The following ACOX2 variants were observed in gnomAD, a reference collection of about 807,000 sequenced individuals.
ACOX2 encodes peroxisomal acyl-coenzyme A oxidase 2.
ACOX2 carries 59 observed loss-of-function variants against 77.5 expected under a neutral mutation model. The observed-to-expected ratio is 0.76, with a 90% CI of 0.62 to 0.95. The LOEUF is 0.95. Ranked by LOEUF, ACOX2 falls within the 40% of genes least tolerant of loss-of-function variation. The pLI, the probability that ACOX2 is intolerant of heterozygous loss-of-function variation, is 0.00. For missense variants in ACOX2, 837 were observed against 880.4 expected (o/e 0.95, Z 0.62); for synonymous variants, 317 against 340.1 (o/e 0.93, Z 0.75).
At chr3:58,520,827 C>T (rs1044512151) in intron 12 of ACOX2, among the ~76,000 whole-genome samples, 1 of 152,186 alleles carries the variant, frequency 6.6e-6, no homozygotes, top group Admixed American at 6.5e-5. Context: ...TCCATCCCCC[C>T]AGAATTTGTT....
At chr3:58,517,524 T>C in intron 12 of ACOX2, 101 bp from the exon 13 acceptor site, 1 of 1,133,940 alleles carries the variant, frequency 8.8e-7, no homozygotes, top group Non-Finnish European at 1.3e-6. Context: ...TGAGGCATGA[T>C]GTGCTTCCCA....
At position 58,526,524 on chromosome 3, in the gene ACOX2, A is replaced by G. The variant is rs1009531271; in HGVS notation, c.1288T>C (p.Leu430=). Residue 430 remains leucine, a synonymous_variant, in exon 10 of 15, where the codon TTG becomes CTG. Coordinates refer to ENST00000302819, the MANE Select transcript of ACOX2 (RefSeq NM_003500.4). The surrounding 1 kb of genome is among the most constrained non-coding windows in gnomAD (Gnocchi z 4.3). ...CCCTCGTAGGTACAGGAGGCCGACAATTTGGTGACCAGTGATGGCAGGCCA... is the reference window on the plus strand; with the variant it reads ...CCCTCGTAGGTACAGGAGGCCGACAGTTTGGTGACCAGTGATGGCAGGCCA... The part of the protein sequence containing the change: ...LSGLPSLVTK[L]SASCTYEGEN... 63 of 1,614,014 alleles carry G rather than the reference A, an allele frequency of 3.9e-5. No homozygotes were observed. Among genetic ancestry groups the G allele is most frequent in the Non-Finnish European group, 5.2e-5 (61 of 1,180,020 alleles).
Position 58,531,185 on chromosome 3 carries a change from A to T in ACOX2, c.819+66T>A, listed in dbSNP as rs1004664134. 1 of 1,461,082 alleles carries T rather than the reference A, an allele frequency of 6.8e-7. No homozygotes were observed. 90.5% of individuals were successfully genotyped at this position (1,461,082 alleles called of 1,614,324 possible). ...TAAGCTCTATGGAGGACCCAGGCCC[A>T]GCCTGCACAAAGCGCAGGTCCCCTC... On this transcript the variant is annotated intron_variant, in intron 7 of 14. Coordinates refer to ENST00000302819, the MANE Select transcript of ACOX2 (RefSeq NM_003500.4). The surrounding 1 kb of genome is among the most constrained non-coding windows in gnomAD (Gnocchi z 5.8).
chr3:58,530,778 C>G, intron 7 of ACOX2, 140 bp from the exon 8 acceptor site: 2 of 1,133,378 alleles, frequency 1.8e-6, no homozygotes, highest in South Asian at 1.6e-5. Context: ...GTTAAAATAC[C>G]AGGCCATTTC....
In ACOX2 at chr3:58,528,656, G is replaced by T; in HGVS notation, c.1155+138C>A. On this transcript the variant is annotated intron_variant, in intron 9 of 14. Coordinates refer to ENST00000302819, the MANE Select transcript of ACOX2 (RefSeq NM_003500.4). This position sits in a 1 kb window ranked among gnomAD's most constrained non-coding sequence, Gnocchi z 5.6. Reference sequence around the variant, plus strand: ...ATACCAGGGTGCCGTTCACCCAGACGCCCTGGGATGCTGAAAGCTGGGAGA... The same window carrying T: ...ATACCAGGGTGCCGTTCACCCAGACTCCCTGGGATGCTGAAAGCTGGGAGA... 1.8e-6 allele frequency: 2 copies of T among 1,120,562 alleles called. No individual in the cohort carries two copies. Among genetic ancestry groups the T allele is most frequent in the Non-Finnish European group, 2.4e-6 (2 of 825,664 alleles). 69.4% of individuals were successfully genotyped at this position (1,120,562 alleles called of 1,614,324 possible). A position where few individuals can be genotyped will look rare whatever the true frequency, so the allele number is the denominator to read the frequency against.
chr3:58,522,275 C>A lies in ACOX2; in HGVS notation c.1632+221G>T, dbSNP rs1372924528. Among the ~76,000 whole-genome samples, 1 of 152,238 alleles carries A rather than the reference C, an allele frequency of 6.6e-6. No individual in the cohort carries two copies. The highest frequency in any genetic ancestry group is 1.5e-5 in the Non-Finnish European group (1 of 68,044). Reference sequence around the variant, plus strand: ...GAACAACCTGAAGCAAATCCAATAACACTGCCTCATTACCTTTTCCCCTAA... The same window carrying A: ...GAACAACCTGAAGCAAATCCAATAAAACTGCCTCATTACCTTTTCCCCTAA... On this transcript the variant is annotated intron_variant, in intron 12 of 14. Transcript: ENST00000302819. The surrounding 1 kb of genome is among the most constrained non-coding windows in gnomAD (Gnocchi z 4.3).
chr3:58,530,458 C>A lies in ACOX2; in HGVS notation c.992+8G>T, dbSNP rs2063429288. On this transcript the variant is annotated splice_region_variant and intron_variant, in intron 8 of 14. Transcript: ENST00000302819. The stretch of plus-strand genomic sequence containing the variant: ...ATCTGCGGTAGTCAGTCACTGGGCA[C>A]CCCTTGCCTGGGCCGGAGCCGGGAT... 6.2e-7 allele frequency: 1 copy of A among 1,612,898 alleles called. No homozygotes were observed. The highest frequency in any genetic ancestry group is 1.3e-5 in the African/African-American group (1 of 74,934).
At chr3:58,517,551 C>G in intron 12 of ACOX2, 128 bp from the exon 13 acceptor site, 1 of 792,490 alleles carries the variant, frequency 1.3e-6, no homozygotes, top group African/African-American at 1.8e-5. Context: ...TGATGAGCAG[C>G]TGCCTTTTCT....
At position 58,526,186 on chromosome 3, in the gene ACOX2, A is replaced by G. The variant is rs947964349; in HGVS notation, c.1346+280T>C. On this transcript the variant is annotated intron_variant, in intron 10 of 14. Coordinates refer to ENST00000302819, the MANE Select transcript of ACOX2 (RefSeq NM_003500.4). This position sits in a 1 kb window ranked among gnomAD's most constrained non-coding sequence, Gnocchi z 4.3. Reference sequence around the variant, plus strand: ...GAATTTCAAACCAGAGAAAGATGTGATCCTCCCTAGGCTCTGAACAGATCC... The same window carrying G: ...GAATTTCAAACCAGAGAAAGATGTGGTCCTCCCTAGGCTCTGAACAGATCC... Among the ~76,000 whole-genome samples, 15 of 152,134 alleles carry G rather than the reference A, an allele frequency of 9.9e-5. No individual in the cohort carries two copies. Among genetic ancestry groups the G allele is most frequent in the Non-Finnish European group, 2.1e-4 (14 of 68,012 alleles).
At position 58,534,933 on chromosome 3, in the gene ACOX2, C is replaced by A; in HGVS notation, c.160+14G>T. On this transcript the variant is annotated intron_variant, in intron 2 of 14. Coordinates refer to ENST00000302819, the MANE Select transcript of ACOX2 (RefSeq NM_003500.4). The surrounding 1 kb of genome is among the most constrained non-coding windows in gnomAD (Gnocchi z 4.8). ...GGCATAAAACAGATGTCCCATTCCCCAGCTTCCCCTTACCAACTTTCCTGC... is the reference window on the plus strand; with the variant it reads ...GGCATAAAACAGATGTCCCATTCCCAAGCTTCCCCTTACCAACTTTCCTGC... The A allele has an allele frequency of 6.2e-7, 1 of 1,614,042 alleles. No individual in the cohort carries two copies. Among genetic ancestry groups the A allele is most frequent in the Non-Finnish European group, 8.5e-7 (1 of 1,179,892 alleles).
At position 58,533,806 on chromosome 3, in the gene ACOX2, A is replaced by G. The variant is rs2063458139; in HGVS notation, c.475+188T>C. On this transcript the variant is annotated intron_variant, in intron 4 of 14. Transcript: ENST00000302819. This position sits in a 1 kb window ranked among gnomAD's most constrained non-coding sequence, Gnocchi z 5.6. ...GAATGACTTGCCCCACTGGGAGCTC[A>G]TACAATACGTGCAAATTAGAAGGTG... is the stretch of plus-strand genomic sequence containing the variant. The G allele has an allele frequency of 1.3e-6, 1 of 779,340 alleles. No homozygotes were observed. 48.3% of individuals were successfully genotyped at this position (779,340 alleles called of 1,614,324 possible).
chr3:58,511,226 A>C (rs915072090), intron 13 of ACOX2: 1 of 319,556 alleles, frequency 3.1e-6, no homozygotes, highest in African/African-American at 2.2e-5. Context: ...TTCTCCAACA[A>C]CATCAAAATT....
rs1212093071 is a variant in ACOX2, at chr3:58,518,096, A to AG, written c.1633-674_1633-673insC. Reference sequence around the variant, plus strand: ...ATCTCAAAAAAAAAAAAAAAAAAAAAAAAAGAAAAGAAAAGAAAATAGCTA... The same window carrying AG: ...ATCTCAAAAAAAAAAAAAAAAAAAAAGAAAAGAAAAGAAAAGAAAATAGCTA... On this transcript the variant is annotated intron_variant, in intron 12 of 14. Coordinates refer to ENST00000302819, the MANE Select transcript of ACOX2 (RefSeq NM_003500.4). Among the ~76,000 whole-genome samples the AG allele has an allele frequency of 5.3e-5, 8 of 151,260 alleles. No homozygotes were observed. In the South Asian group the frequency reaches 6.3e-4, roughly 12 times the overall value.
rs1186174699 is a variant in ACOX2, at chr3:58,526,584, T to C, written c.1228A>G (p.Arg410Gly). 1.2e-6 allele frequency: 2 copies of C among 1,614,226 alleles called. No individual in the cohort carries two copies. Among genetic ancestry groups the C allele is most frequent in the Admixed American group, 1.7e-5 (1 of 60,030 alleles). The stretch of plus-strand genomic sequence containing the variant: ...GAGTAGCCATGTCCGCCACAGGCCC[T>C]GCGGCACATCTCAGCTCCCTGGGTG... The part of the protein sequence containing the change: ...FCTQGAEMCR[R>G]ACGGHGYSKL... The change falls in exon 10 of 15, where the codon AGG (arginine) becomes GGG (glycine). Residue 410 changes from arginine (R) to glycine (G), a missense_variant. Arg to Gly is a moderately radical substitution (Grantham distance 125). Transcript: ENST00000302819. This position sits in a 1 kb window ranked among gnomAD's most constrained non-coding sequence, Gnocchi z 4.3.
In ACOX2 at chr3:58,530,505, C is replaced by T. The variant is rs147316315; in HGVS notation, c.953G>A (p.Arg318His). The T allele has an allele frequency of 2.6e-5, 42 of 1,614,116 alleles. No homozygotes were observed. Among genetic ancestry groups the T allele is most frequent in the Admixed American group, 1.8e-4 (11 of 60,012 alleles). ...ILQKACVIAM[R>H]YSVIRRQSRL... ...GGATTGGCGGCGGATGACCGAGTAG[C>T]GCATGGCGATGACACAGGCCTTCTG... The change falls in exon 8 of 15, where the codon CGC becomes CAC. Residue 318 changes from arginine (R) to histidine (H), a missense_variant. Transcript: ENST00000302819.
intron 8 of ACOX2, 98 bp downstream of exon 8, chr3:58,530,368 C>T (rs1055077789): frequency 1.5e-5 from 22 of 1,515,488 alleles, no homozygotes; most frequent in Non-Finnish European, 2.0e-5. Context: ...TGCCTGCTCC[C>T]AGCACTCTGG....
rs942319705 is a variant in ACOX2 at position 58,524,570 on chromosome 3, G to T, written c.1382C>A (p.Ser461Tyr). 1.9e-6 allele frequency: 3 copies of T among 1,614,080 alleles called. No homozygotes were observed. The African/African-American group carries it at 4.0e-5, about 22-fold the overall frequency. ...LVKSYLQTQMSPGSTPQRSLS... is the reference protein window; with the variant it reads ...LVKSYLQTQMYPGSTPQRSLS... ...AGATCTCTGTGGCGTGGAGCCAGGG[G>T]ACATCTGAGTCTGCAGGTAGCTCTT... Residue 461 changes from serine to tyrosine, a missense_variant, in exon 11 of 15, where the codon TCC becomes TAC. Physicochemically the swap from Ser to Tyr is moderately radical, Grantham distance 144. Transcript: ENST00000302819. This position sits in a 1 kb window ranked among gnomAD's most constrained non-coding sequence, Gnocchi z 5.5.
chr3:58,531,420 T>A lies in ACOX2; in HGVS notation c.704-54A>T, dbSNP rs1173624249. 1.3e-5 allele frequency: 19 copies of A among 1,513,706 alleles called. No homozygotes were observed. The highest frequency in any genetic ancestry group is 1.6e-5 in the Non-Finnish European group (18 of 1,092,952). 93.8% of individuals were successfully genotyped at this position (1,513,706 alleles called of 1,614,324 possible). ...ATCAGTTGAGAGAGTGCTTGCTATG[T>A]GGCAGGTATCATACACACATTCCAG... is the stretch of plus-strand genomic sequence containing the variant. On this transcript the variant is annotated intron_variant, in intron 6 of 14. Transcript: ENST00000302819. This position sits in a 1 kb window ranked among gnomAD's most constrained non-coding sequence, Gnocchi z 5.8.
rs775393171 is a variant in ACOX2 at position 58,526,426 on chromosome 3, C to CA, written c.1346+39dup. 3 of 1,568,188 alleles carry CA rather than the reference C, an allele frequency of 1.9e-6. No homozygotes were observed. The highest frequency in any genetic ancestry group is 2.6e-6 in the Non-Finnish European group (3 of 1,154,780). Reference sequence around the variant, plus strand: ...ACCCAACAGAAGCTTGGTGGGTCCCCAAGGGCTTGGGCAAAGGCCTGGGTC... The same window carrying CA: ...ACCCAACAGAAGCTTGGTGGGTCCCCAAAGGGCTTGGGCAAAGGCCTGGGTC... On this transcript the variant is annotated intron_variant, in intron 10 of 14. Coordinates refer to ENST00000302819, the MANE Select transcript of ACOX2 (RefSeq NM_003500.4). The surrounding 1 kb of genome is among the most constrained non-coding windows in gnomAD (Gnocchi z 4.3).
Sources: allele counts gnomAD v4.1 joint callset (sites outside exome capture counted in the v4.1 genomes callset), GRCh38; gene constraint gnomAD v4.1.1; non-coding constraint Gnocchi (gnomAD v3.1); transcripts MANE v1.5; gene names NCBI Gene and HGNC (gene_info 2026-07-23, HGNC 2026-07-21).